The following SMAGP variants were observed in gnomAD, a reference collection of about 807,000 sequenced individuals.
SMAGP encodes small cell transmembrane and glycosylated protein.
In SMAGP, 7 loss-of-function variants were observed where a neutral mutation model predicts 10.1. That is an observed-to-expected ratio of 0.70 (90% CI 0.40 to 1.31). SMAGP has a LOEUF of 1.31. Ranked by LOEUF, SMAGP falls within the 50% of genes most tolerant of loss-of-function variation. The probability of loss-of-function intolerance (pLI) is 0.01; values close to 1 mark genes in which losing one functional copy is unlikely to be tolerated. For missense variants in SMAGP, 113 were observed against 116.5 expected (o/e 0.97, Z 0.14); for synonymous variants, 49 against 47.2 (o/e 1.04, Z -0.16).
chr12:51,254,048 A>G (rs969388789), intron 2 of SMAGP, among the ~76,000 whole-genome samples: 6 of 152,152 alleles, frequency 3.9e-5, no homozygotes, highest in Non-Finnish European at 8.8e-5. Flanking sequence ...TTTAATGAGT[A>G]TAGAGTTTTA....
chr12:51,263,174 G>C (rs533453755), intron 2 of SMAGP, among the ~76,000 whole-genome samples: 3 of 152,232 alleles, frequency 2.0e-5, no homozygotes, highest in African/African-American at 7.2e-5. Flanking sequence ...CTTGAGATCA[G>C]AAGTTCGAGA....
chr12:51,265,938 C>T (rs1021154692), intron 2 of SMAGP, among the ~76,000 whole-genome samples: 4 of 152,020 alleles, frequency 2.6e-5, no homozygotes, highest in African/African-American at 4.8e-5. Context: ...AAAAATTAGC[C>T]GGGCGTGGTG....
intron 2 of SMAGP, among the ~76,000 whole-genome samples, chr12:51,254,807 G>A (rs939604530): frequency 2.0e-5 from 3 of 152,060 alleles, no homozygotes; most frequent in African/African-American, 7.2e-5. Flanking sequence ...TTCATGGGAG[G>A]GCTGTCCACA....
At position 51,265,062 on chromosome 12, in the gene SMAGP, A is replaced by T. The variant is rs74469828; in HGVS notation, c.34+4183T>A. The stretch of plus-strand genomic sequence containing the variant: ...AACAAATCAACTAAAAAATGGGACA[A>T]GACTTGAATAGACATTTCTCCAAAG... On this transcript the variant is annotated intron_variant, in intron 2 of 3. Coordinates refer to ENST00000603798, the MANE Select transcript of SMAGP (RefSeq NM_001031628.2). Among the ~76,000 whole-genome samples the T allele has an allele frequency of 8.3e-4, 127 of 152,314 alleles. No individual in the cohort carries two copies. In the East Asian group the frequency reaches 0.022, roughly 26 times the overall value.
intron 2 of SMAGP, among the ~76,000 whole-genome samples, chr12:51,255,685 A>G (rs534285990): frequency 6.6e-6 from 1 of 152,368 alleles, no homozygotes; most frequent in African/African-American, 2.4e-5. Context: ...TGTGGACAAT[A>G]GGCTGTGGGA....
rs947984958 is a variant in SMAGP at position 51,255,727 on chromosome 12, C to T, written c.35-8896G>A. ...CACACGTGCAGAAGCAGGGTGTACC[C>T]TGCACAAGTGCACAGTTGCATCTGC... is the stretch of plus-strand genomic sequence containing the variant. On this transcript the variant is annotated intron_variant, in intron 2 of 3. Coordinates refer to ENST00000603798, the MANE Select transcript of SMAGP (RefSeq NM_001031628.2). 3.9e-5 allele frequency among the ~76,000 whole-genome samples: 6 copies of T among 152,210 alleles called. No homozygotes were observed. The East Asian group carries it at 1.2e-3, about 29-fold the overall frequency.
At position 51,252,686 on chromosome 12, in the gene SMAGP, C is replaced by CCCCCCCA. The variant is rs1299480047; in HGVS notation, c.35-5856_35-5855insTGGGGGG. ...GATTACAGGCGTGAGCCACATCGCC[C>CCCCCCCA]CCCGAAGGACAATTTAAAAAGCATT... On this transcript the variant is annotated intron_variant, in intron 2 of 3. Transcript: ENST00000603798. Among the ~76,000 whole-genome samples the CCCCCCCA allele has an allele frequency of 2.1e-4, 32 of 151,682 alleles. 1 individual carries two copies. The highest frequency in any genetic ancestry group is 6.5e-4 in the African/African-American group (27 of 41,334).
chr12:51,247,828 G>A (rs1223916470), intron 2 of SMAGP, among the ~76,000 whole-genome samples: 1 of 152,180 alleles, frequency 6.6e-6, no homozygotes, highest in East Asian at 1.9e-4. Context: ...AGCTTCCCGA[G>A]GCTCACCCTC....
intron 2 of SMAGP, among the ~76,000 whole-genome samples, chr12:51,258,984 CAAAAA>C (rs35000436): frequency 1.4e-3 from 69 of 50,978 alleles, no homozygotes; most frequent in Non-Finnish European, 2.0e-3. Context: ...CTGTCTCTAC[CAAAAA>C]AAAAAAAAAA....
chr12:51,252,460 C>A (rs1476305339), intron 2 of SMAGP, among the ~76,000 whole-genome samples: 1 of 149,438 alleles, frequency 6.7e-6, no homozygotes, highest in African/African-American at 2.5e-5. Flanking sequence ...GGCTTCATCT[C>A]GGCTCACTGC....
rs1211795278 is a variant in SMAGP, at chr12:51,245,000, T to A, written c.*941A>T. 1 of 150,434 alleles carries A rather than the reference T, an allele frequency of 6.6e-6. No homozygotes were observed. Among genetic ancestry groups the A allele is most frequent in the Non-Finnish European group, 1.5e-5 (1 of 67,550 alleles). 9.3% of individuals were successfully genotyped at this position (150,434 alleles called of 1,614,324 possible). On this transcript the variant is annotated 3_prime_UTR_variant, in exon 4 of 4. Coordinates refer to ENST00000603798, the MANE Select transcript of SMAGP (RefSeq NM_001031628.2). The stretch of plus-strand genomic sequence containing the variant: ...CCACCACGCCCAGCTATTTTTTTTA[T>A]ATATTTTTAGTAGAGACGGGGTTTC...
chr12:51,256,649 G>A (rs984534168), intron 2 of SMAGP, among the ~76,000 whole-genome samples: 4 of 152,032 alleles, frequency 2.6e-5, no homozygotes, highest in African/African-American at 4.8e-5. Flanking sequence ...GAACCCAGGA[G>A]GCGGAGGTTG....
rs5798165 is a variant in SMAGP, at chr12:51,267,496, C to CT, written c.34+1748dup. On this transcript the variant is annotated intron_variant, in intron 2 of 3. Transcript: ENST00000603798. ...CCCCCCACTCCGTGTCCCCCTAACTCTTTTTTTTTTTTTTTAAGACAGGGT... is the reference window on the plus strand; with the variant it reads ...CCCCCCACTCCGTGTCCCCCTAACTCTTTTTTTTTTTTTTTTAAGACAGGGT... Among the ~76,000 whole-genome samples, 22 of 93,400 alleles carry CT rather than the reference C, an allele frequency of 2.4e-4. 1 individual carries two copies. Among genetic ancestry groups the CT allele is most frequent in the African/African-American group, 7.3e-4 (19 of 26,166 alleles). The allele number at this position is 93,400 out of a possible 152,430, so 61.3% of individuals were successfully genotyped here. A position where few individuals can be genotyped will look rare whatever the true frequency, so the allele number is the denominator to read the frequency against.
intron 2 of SMAGP, among the ~76,000 whole-genome samples, chr12:51,265,804 C>T (rs892087183): frequency 3.9e-5 from 6 of 152,112 alleles, no homozygotes; most frequent in Admixed American, 3.9e-4. Flanking sequence ...ACAGTAGTCC[C>T]CCCAGGCCAG....
chr12:51,260,679 ATTTTTTTTTTTTTTTT>A (rs1162152346), intron 2 of SMAGP, among the ~76,000 whole-genome samples: 11 of 78,398 alleles, frequency 1.4e-4, no homozygotes, highest in Non-Finnish European at 2.5e-4. Context: ...CGCCCGGCCA[ATTTTTTTTTTTTTTTT>A]TTTTTTTTGA....
rs1033306933 is a variant in SMAGP at position 51,246,698 on chromosome 12, G to A, written c.115+53C>T. ...TGGATTTGGTCAGGCTCCCTCTGGA[G>A]AGAGATGCCCTTGATCCAGAAGGTC... On this transcript the variant is annotated intron_variant, in intron 3 of 3. Transcript: ENST00000603798. The A allele has an allele frequency of 1.2e-5, 17 of 1,414,590 alleles. No individual in the cohort carries two copies. The Admixed American group carries it at 3.7e-4, about 30-fold the overall frequency. 87.6% of individuals were successfully genotyped at this position (1,414,590 alleles called of 1,614,324 possible).
chr12:51,269,795 C>G (rs1301099351), intron 1 of SMAGP: 2 of 152,422 alleles, frequency 1.3e-5, no homozygotes, highest in South Asian at 2.1e-4. Context: ...CGGGCCGGGA[C>G]CGGGAGGCGA....
chr12:51,248,438 T>TCA (rs1565656632), intron 2 of SMAGP, among the ~76,000 whole-genome samples: 7 of 35,360 alleles, frequency 2.0e-4, no homozygotes, highest in African/African-American at 7.0e-4. Context: ...ACACACACTC[T>TCA]CTCTCTCTCT....
chr12:51,258,346 C>T (rs1406140418), intron 2 of SMAGP, among the ~76,000 whole-genome samples: 2 of 152,122 alleles, frequency 1.3e-5, no homozygotes, highest in African/African-American at 4.8e-5. Flanking sequence ...TTTTGGGAGG[C>T]TGAGGGCAGG....
Sources: allele counts gnomAD v4.1 joint callset (sites outside exome capture counted in the v4.1 genomes callset), GRCh38; gene constraint gnomAD v4.1.1; transcripts MANE v1.5; gene names NCBI Gene and HGNC (gene_info 2026-07-23, HGNC 2026-07-21).